The following TENM4 variants were observed in gnomAD, a reference collection of about 807,000 sequenced individuals.
TENM4 encodes the protein teneurin-4.
Under a neutral mutation model 243.3 loss-of-function variants are expected in TENM4, and 82 were observed. The ratio of observed to expected loss-of-function variants is 0.34; its 90% confidence interval spans 0.28 to 0.40. The LOEUF (loss-of-function observed/expected upper bound fraction) is 0.40, where lower values mean the gene tolerates loss of function less well. Ranked by LOEUF, TENM4 falls within the 10% of genes least tolerant of loss-of-function variation. TENM4 has a pLI of 1.00. For missense variants in TENM4, 3,138 were observed against 3,673.3 expected (o/e 0.85, Z 3.77); for synonymous variants, 1,412 against 1,456.3 (o/e 0.97, Z 0.69).
At chr11:78,888,250 A>T (rs1357261159) in intron 9 of TENM4, among the ~76,000 whole-genome samples, 1 of 152,256 alleles carries the variant, frequency 6.6e-6, no homozygotes, top group Middle Eastern at 3.2e-3. Flanking sequence ...AATCACAGAT[A>T]GTCTCTTACA....
intron 22 of TENM4, among the ~76,000 whole-genome samples, chr11:78,728,997 A>AT (rs1197595112): frequency 6.6e-6 from 1 of 152,030 alleles, no homozygotes; most frequent in Admixed American, 6.5e-5. Flanking sequence ...ACCTCAAAAA[A>AT]AAAAATGAAA....
At position 79,084,348 on chromosome 11, in the gene TENM4, C is replaced by A. The variant is rs561128809; in HGVS notation, c.-65-14339G>T. On this transcript the variant is annotated intron_variant, in intron 4 of 33. Transcript: ENST00000278550. ...ACTAAATATGCAATTACTGTACAAC[C>A]TAGCGCTTGTATTCTTGGGCATTTA... 5.9e-5 allele frequency among the ~76,000 whole-genome samples: 9 copies of A among 152,182 alleles called. No homozygotes were observed. The South Asian group carries it at 1.9e-3, about 32-fold the overall frequency.
intron 16 of TENM4, among the ~76,000 whole-genome samples, chr11:78,780,831 A>T (rs1246314282): frequency 6.6e-6 from 1 of 152,260 alleles, no homozygotes; most frequent in Non-Finnish European, 1.5e-5. Context: ...GTAGGAAAGA[A>T]AATCAGTGGA....
intron 16 of TENM4, among the ~76,000 whole-genome samples, chr11:78,779,766 A>C (rs971540214): frequency 1.1e-4 from 17 of 152,254 alleles, no homozygotes; most frequent in African/African-American, 3.6e-4. Flanking sequence ...CACATGAATC[A>C]AAAGTCCATC....
At chr11:79,399,654 T>C (rs1390250312) in intron 1 of TENM4, among the ~76,000 whole-genome samples, 1 of 152,146 alleles carries the variant, frequency 6.6e-6, no homozygotes. Flanking sequence ...TGATGGATCT[T>C]AGTTCTGGTG....
At chr11:79,274,095 G>T in intron 2 of TENM4, among the ~76,000 whole-genome samples, 1 of 152,214 alleles carries the variant, frequency 6.6e-6, no homozygotes, top group East Asian at 1.9e-4. Context: ...GGGGTGCAGG[G>T]GTGGTAAATG....
chr11:79,204,363 A>G (rs1863805630), intron 3 of TENM4, among the ~76,000 whole-genome samples: 3 of 152,202 alleles, frequency 2.0e-5, no homozygotes, highest in African/African-American at 7.2e-5. Context: ...AATCCTTCCA[A>G]GTAAAAGCAT....
chr11:79,007,081 C>A (rs1858504390), intron 6 of TENM4, among the ~76,000 whole-genome samples: 1 of 152,202 alleles, frequency 6.6e-6, no homozygotes, highest in African/African-American at 2.4e-5. Context: ...TCCCAGGTCA[C>A]AAGCTTGCCA....
At chr11:79,240,009 G>T (rs1321443748) in intron 2 of TENM4, among the ~76,000 whole-genome samples, 1 of 152,136 alleles carries the variant, frequency 6.6e-6, no homozygotes, top group East Asian at 1.9e-4. Flanking sequence ...CTTTCCAAAC[G>T]CAAGGTACTC....
intron 3 of TENM4, among the ~76,000 whole-genome samples, chr11:79,204,690 AG>A (rs1426022516): frequency 6.6e-6 from 1 of 152,196 alleles, no homozygotes; most frequent in African/African-American, 2.4e-5. Context: ...TGTTTAGTAG[AG>A]CTGCAGATGT....
chr11:78,694,054 C>CTT (rs1008658668), intron 28 of TENM4, among the ~76,000 whole-genome samples: 1 of 152,070 alleles, frequency 6.6e-6, no homozygotes, highest in Non-Finnish European at 1.5e-5. Context: ...ACTTGGCTCT[C>CTT]AGAAGAGGAT....
At chr11:78,939,544 T>C (rs901357286) in intron 6 of TENM4, among the ~76,000 whole-genome samples, 2 of 152,230 alleles carry the variant, frequency 1.3e-5, no homozygotes, top group African/African-American at 2.4e-5. Context: ...ACATTTATCC[T>C]GAAAGAATTA....
intron 4 of TENM4, among the ~76,000 whole-genome samples, chr11:79,131,187 G>C (rs575106149): frequency 1.4e-4 from 21 of 152,252 alleles, no homozygotes; most frequent in African/African-American, 4.6e-4. Flanking sequence ...AAAAACACCT[G>C]GAGAATTCAT....
intron 4 of TENM4, among the ~76,000 whole-genome samples, chr11:79,104,411 C>T (rs1300512655): frequency 3.3e-5 from 5 of 152,326 alleles, no homozygotes; most frequent in Non-Finnish European, 7.4e-5. Flanking sequence ...TCTGCATCTA[C>T]GTATGCTCAT....
At chr11:79,426,538 T>A (rs1859052874) in intron 1 of TENM4, among the ~76,000 whole-genome samples, 1 of 152,192 alleles carries the variant, frequency 6.6e-6, no homozygotes, top group Non-Finnish European at 1.5e-5. Context: ...ATCATCCAGA[T>A]GAGAGAAGAT....
chr11:79,076,540 C>A (rs911232604), intron 4 of TENM4: 1 of 152,204 alleles, frequency 6.6e-6, no homozygotes, highest in Admixed American at 6.5e-5. Context: ...TGGGAAAAAC[C>A]GGCCCCCATG....
At chr11:78,915,334 G>A (rs1591126056) in intron 6 of TENM4, among the ~76,000 whole-genome samples, 1 of 152,038 alleles carries the variant, frequency 6.6e-6, no homozygotes, top group Non-Finnish European at 1.5e-5. Context: ...ATTTGTTTAC[G>A]GGTCTGTCTC....
chr11:79,130,041 T>C (rs572091432), intron 4 of TENM4, among the ~76,000 whole-genome samples: 34 of 152,120 alleles, frequency 2.2e-4, no homozygotes, highest in Admixed American at 5.2e-4. Context: ...GAGAGACCCA[T>C]AGATAGTTCA....
At chr11:79,286,724 G>A (rs1327866341) in intron 2 of TENM4, among the ~76,000 whole-genome samples, 3 of 152,064 alleles carry the variant, frequency 2.0e-5, no homozygotes, top group Non-Finnish European at 4.4e-5. Context: ...CTTTAGGACT[G>A]GCGTGAGGAT....
Sources: gnomAD v4.1 joint callset for allele counts (sites outside exome capture counted in the v4.1 genomes callset) on GRCh38, gnomAD v4.1.1 for gene constraint, MANE v1.5 for transcripts, NCBI Gene and HGNC (gene_info 2026-07-23, HGNC 2026-07-21) for gene names.